Variants in SPOCK3 observed in about 807,000 individuals in gnomAD.
The protein encoded by SPOCK3 is SPARC (osteonectin), cwcv and kazal like domains proteoglycan 3.
In SPOCK3, 30 loss-of-function variants were observed where a neutral mutation model predicts 56.6. The ratio of observed to expected loss-of-function variants is 0.53; its 90% CI spans 0.40 to 0.72. SPOCK3 has a LOEUF of 0.72. Among genes scored for constraint, SPOCK3 ranks in the 30% least tolerant of loss-of-function variants. The pLI is 0.00. For missense variants in SPOCK3, 527 were observed against 530.0 expected (o/e 0.99, Z 0.06); for synonymous variants, 196 against 183.3 (o/e 1.07, Z -0.56).
intron 2 of SPOCK3, among the ~76,000 whole-genome samples, chr4:167,097,358 C>A (rs1350147007): frequency 6.6e-6 from 1 of 151,394 alleles, no homozygotes; most frequent in Non-Finnish European, 1.5e-5. Context: ...AGTAAATCTT[C>A]TCTAGTATCT....
intron 2 of SPOCK3, among the ~76,000 whole-genome samples, chr4:167,084,520 T>C (rs2150296856): frequency 6.6e-6 from 1 of 152,282 alleles, no homozygotes; most frequent in Admixed American, 6.5e-5. Flanking sequence ...AGAAACATTG[T>C]CTTGACAGCT....
intron 2 of SPOCK3, among the ~76,000 whole-genome samples, chr4:167,095,936 C>G (rs1759109421): frequency 6.6e-6 from 1 of 151,678 alleles, no homozygotes; most frequent in African/African-American, 2.4e-5. Context: ...GGATAATATA[C>G]AAATGTTACT....
chr4:166,862,245 T>C (rs2126913164), intron 6 of SPOCK3, among the ~76,000 whole-genome samples: 1 of 152,152 alleles, frequency 6.6e-6, no homozygotes, highest in African/African-American at 2.4e-5. Context: ...GGCTTCCTAC[T>C]CGATGAACTT....
intron 2 of SPOCK3, among the ~76,000 whole-genome samples, chr4:167,065,842 C>A (rs1339323994): frequency 6.6e-6 from 1 of 151,834 alleles, no homozygotes; most frequent in Non-Finnish European, 1.5e-5. Flanking sequence ...CAATTTATAT[C>A]CAAAATAAGC....
intron 9 of SPOCK3, 96 bp downstream of exon 9, chr4:166,741,899 GTC>G (rs1450927852): frequency 1.6e-5 from 14 of 871,446 alleles, no homozygotes; most frequent in Non-Finnish European, 2.4e-5. Flanking sequence ...ATTTAGTGCA[GTC>G]TATCTTTGTT....
intron 2 of SPOCK3, among the ~76,000 whole-genome samples, chr4:167,086,994 A>T (rs745690651): frequency 1.2e-4 from 19 of 152,142 alleles, no homozygotes; most frequent in Admixed American, 9.8e-4. Flanking sequence ...AGCAATCATG[A>T]TGCAGGAATA....
At chr4:167,000,317 C>T (rs1336933888) in intron 4 of SPOCK3, 32 bp downstream of exon 4, 7 of 1,105,038 alleles carry the variant, frequency 6.3e-6, no homozygotes, top group Non-Finnish European at 9.4e-6. Context: ...GAGCGCTGTT[C>T]AATCAGTGGG....
chr4:167,051,228 G>C (rs1754169640), intron 3 of SPOCK3, among the ~76,000 whole-genome samples: 1 of 152,104 alleles, frequency 6.6e-6, no homozygotes, highest in Non-Finnish European at 1.5e-5. Context: ...CAGGGATCAA[G>C]CCTAGACAAC....
chr4:166,778,066 G>A (rs1293829149), intron 7 of SPOCK3, among the ~76,000 whole-genome samples: 1 of 152,022 alleles, frequency 6.6e-6, no homozygotes. Flanking sequence ...GTAATCCCTT[G>A]GAAAGCACCA....
chr4:167,117,355 T>G (rs184226526), intron 2 of SPOCK3, among the ~76,000 whole-genome samples: 194 of 152,118 alleles, frequency 1.3e-3, no homozygotes, highest in Middle Eastern at 3.4e-3. Flanking sequence ...GCCTACCAAT[T>G]CTTTTCCACA....
At chr4:166,943,028 T>C (rs1475728780) in intron 4 of SPOCK3, among the ~76,000 whole-genome samples, 1 of 152,194 alleles carries the variant, frequency 6.6e-6, no homozygotes, top group South Asian at 2.1e-4. Context: ...TCCATGTAAA[T>C]AGTTTTTGTG....
At chr4:167,062,827 G>T (rs577992082) in intron 2 of SPOCK3, among the ~76,000 whole-genome samples, 6 of 151,804 alleles carry the variant, frequency 4.0e-5, no homozygotes, top group Non-Finnish European at 5.9e-5. Flanking sequence ...ACTATTTTTG[G>T]TTGCCACTTC....
chr4:166,892,840 T>C (rs1428410609), intron 5 of SPOCK3, among the ~76,000 whole-genome samples: 1 of 152,006 alleles, frequency 6.6e-6, no homozygotes, highest in Non-Finnish European at 1.5e-5. Context: ...ATAAGAGGAT[T>C]GAAGAAAATA....
intron 2 of SPOCK3, among the ~76,000 whole-genome samples, chr4:167,084,035 G>A (rs1031646133): frequency 6.6e-6 from 1 of 152,036 alleles, no homozygotes; most frequent in African/African-American, 2.4e-5. Flanking sequence ...ATAATCCTTG[G>A]TTTGCAATGT....
chr4:166,785,732 C>G (rs1029845748), intron 7 of SPOCK3, among the ~76,000 whole-genome samples: 2 of 152,044 alleles, frequency 1.3e-5, no homozygotes, highest in Non-Finnish European at 2.9e-5. Context: ...TTTCATTAAG[C>G]TTTTACCCTT....
At chr4:166,944,432 C>T (rs1741477065) in intron 4 of SPOCK3, among the ~76,000 whole-genome samples, 1 of 152,022 alleles carries the variant, frequency 6.6e-6, no homozygotes, top group Admixed American at 6.6e-5. Context: ...CCGATAATGT[C>T]CTTTTTAGTA....
chr4:166,908,988 A>G (rs1231812151), intron 5 of SPOCK3, among the ~76,000 whole-genome samples: 1 of 152,114 alleles, frequency 6.6e-6, no homozygotes, highest in Admixed American at 6.6e-5. Flanking sequence ...TGAATTTGAA[A>G]GAATTCAGAG....
intron 8 of SPOCK3, among the ~76,000 whole-genome samples, chr4:166,750,739 A>G (rs1310093503): frequency 6.6e-6 from 1 of 152,210 alleles, no homozygotes; most frequent in East Asian, 1.9e-4. Context: ...GAACTAAAGA[A>G]AATGTAATTG....
chr4:166,800,843 T>C (rs1742509487), intron 6 of SPOCK3, among the ~76,000 whole-genome samples: 1 of 152,176 alleles, frequency 6.6e-6, no homozygotes, highest in African/African-American at 2.4e-5. Flanking sequence ...AGTAGTGTCT[T>C]AGGCCTTCAC....
Sources: gnomAD v4.1 joint callset for allele counts (sites outside exome capture counted in the v4.1 genomes callset) on GRCh38, gnomAD v4.1.1 for gene constraint, MANE v1.5 for transcripts, NCBI Gene and HGNC (gene_info 2026-07-23, HGNC 2026-07-21) for gene names.